The following STAU2 variants were observed in gnomAD, a reference collection of about 807,000 sequenced individuals.
STAU2 encodes staufen double-stranded RNA binding protein 2.
Under a neutral mutation model 65.9 loss-of-function variants are expected in STAU2, and 20 were observed. That is an observed-to-expected ratio of 0.30 (90% CI 0.21 to 0.44). The LOEUF is 0.44. Among genes scored for constraint, STAU2 ranks in the 20% least tolerant of loss-of-function variants. The pLI, the probability that STAU2 is intolerant of heterozygous loss-of-function variation, is 1.00. For missense variants in STAU2, 558 were observed against 683.9 expected (o/e 0.82, Z 2.05); for synonymous variants, 232 against 233.9 (o/e 0.99, Z 0.07).
At chr8:73,746,857 C>T (rs983088818), upstream of STAU2, 3 of 1,213,126 alleles carry the variant, frequency 2.5e-6, no homozygotes, top group African/African-American at 3.1e-5. Flanking sequence ...GCTCGGCCGC[C>T]GCCGGCTTCC....
At position 73,467,457 on chromosome 8, in the gene STAU2, G is replaced by A. The variant is rs186552208; in HGVS notation, c.1531-44755C>T. Among the ~76,000 whole-genome samples, 941 of 152,236 alleles carry A rather than the reference G, an allele frequency of 6.2e-3. 12 individuals are homozygous for A. The highest frequency in any genetic ancestry group is 0.03 in the East Asian group (156 of 5,170). On this transcript the variant is annotated intron_variant, in intron 13 of 14. Coordinates refer to ENST00000524300, the MANE Select transcript of STAU2 (RefSeq NM_001164380.2). The stretch of plus-strand genomic sequence containing the variant: ...TGAGGCAGGAGAATGGCGTGAACCC[G>A]GGAGGAGGAGCTTGCAGTGAGCCGA...
intron 9 of STAU2, among the ~76,000 whole-genome samples, chr8:73,607,985 C>T (rs1425494369): frequency 1.3e-5 from 2 of 152,228 alleles, no homozygotes; most frequent in South Asian, 2.1e-4. Flanking sequence ...TTAGCTCTTC[C>T]GGATGATTGC....
intron 3 of STAU2, among the ~76,000 whole-genome samples, chr8:73,725,526 G>A (rs1300547453): frequency 6.6e-6 from 1 of 152,198 alleles, no homozygotes; most frequent in Non-Finnish European, 1.5e-5. Flanking sequence ...GCCAGGCATG[G>A]TGGCTCACAC....
chr8:73,629,830 G>A (rs906696147), intron 6 of STAU2, among the ~76,000 whole-genome samples: 2 of 152,200 alleles, frequency 1.3e-5, no homozygotes, highest in Non-Finnish European at 2.9e-5. Context: ...GTAGTCGTGC[G>A]ATTATGCCTC....
At chr8:73,534,461 T>C (rs1174690784) in intron 13 of STAU2, among the ~76,000 whole-genome samples, 1 of 152,218 alleles carries the variant, frequency 6.6e-6, no homozygotes. Flanking sequence ...ATGTAAATTA[T>C]TGTATTTATT....
At chr8:73,557,820 A>C (rs1253371555) in intron 12 of STAU2, among the ~76,000 whole-genome samples, 2 of 152,160 alleles carry the variant, frequency 1.3e-5, no homozygotes, top group South Asian at 4.1e-4. Flanking sequence ...TCCTGAACCC[A>C]TTCTGCCATC....
At chr8:73,601,234 A>G (rs1204419867) in intron 10 of STAU2, among the ~76,000 whole-genome samples, 7 of 152,206 alleles carry the variant, frequency 4.6e-5, no homozygotes, top group Non-Finnish European at 7.3e-5. Context: ...CCAAAAACTT[A>G]ATTTTTATTT....
chr8:73,453,082 T>C (rs1383295684), intron 13 of STAU2, among the ~76,000 whole-genome samples: 1 of 152,190 alleles, frequency 6.6e-6, no homozygotes, highest in Non-Finnish European at 1.5e-5. Flanking sequence ...CTCGGTGTCT[T>C]CAAGGAGACA....
intron 12 of STAU2, among the ~76,000 whole-genome samples, chr8:73,568,615 A>C (rs1307589122): frequency 6.6e-6 from 1 of 152,222 alleles, no homozygotes; most frequent in African/African-American, 2.4e-5. Flanking sequence ...TCTCAAAAAA[A>C]AAAAGACAAC....
intron 12 of STAU2, among the ~76,000 whole-genome samples, chr8:73,567,325 T>TG (rs1307894311): frequency 6.6e-6 from 1 of 151,974 alleles, no homozygotes. Context: ...CTGACCAACA[T>TG]GGAGAAACTC....
chr8:73,713,254 AAATGTCCTGGACTCTGG>A (rs1022784002), intron 3 of STAU2, among the ~76,000 whole-genome samples: 2 of 152,186 alleles, frequency 1.3e-5, no homozygotes, highest in Admixed American at 6.5e-5. Flanking sequence ...TGTCTTCACA[AAATGTCCTGGACTCTGG>A]AATTTGAATC....
chr8:73,589,963 G>A (rs971165274), intron 11 of STAU2, among the ~76,000 whole-genome samples: 2 of 148,922 alleles, frequency 1.3e-5, no homozygotes, highest in African/African-American at 2.5e-5. Context: ...ACAAGGAAAA[G>A]GAGAAGGGAA....
chr8:73,627,350 G>C (rs1227557784), intron 6 of STAU2, among the ~76,000 whole-genome samples: 1 of 151,804 alleles, frequency 6.6e-6, no homozygotes, highest in Non-Finnish European at 1.5e-5. Context: ...GCTGACCAAA[G>C]GGATTCAGGA....
intron 13 of STAU2, among the ~76,000 whole-genome samples, chr8:73,472,439 T>C (rs1820086948): frequency 2.0e-5 from 3 of 152,200 alleles, no homozygotes; most frequent in African/African-American, 7.2e-5. Context: ...TTGCTTATTC[T>C]TCAGTAAAAT....
intron 3 of STAU2, among the ~76,000 whole-genome samples, chr8:73,735,630 C>T (rs1442290455): frequency 1.3e-5 from 2 of 152,198 alleles, no homozygotes; most frequent in Non-Finnish European, 2.9e-5. Flanking sequence ...ATCCAAAACA[C>T]TTCCAGTGCC....
At position 73,715,520 on chromosome 8, in the gene STAU2, GACTGAT is replaced by G. The variant is rs571238591; in HGVS notation, c.-17-6364_-17-6359del. 3.0e-4 allele frequency among the ~76,000 whole-genome samples: 46 copies of G among 151,106 alleles called. No individual in the cohort carries two copies. In the South Asian group the frequency reaches 9.2e-3, roughly 30 times the overall value. ...AGTGATATATAATTTTCCCCTATTAGACTGATAAAGATTTTTTTTAATAATCATTTA... is the reference window on the plus strand; with the variant it reads ...AGTGATATATAATTTTCCCCTATTAGAAAGATTTTTTTTAATAATCATTTA... On this transcript the variant is annotated intron_variant, in intron 3 of 14. Coordinates refer to ENST00000524300, the MANE Select transcript of STAU2 (RefSeq NM_001164380.2).
At chr8:73,487,900 T>C (rs1308320917) in intron 13 of STAU2, among the ~76,000 whole-genome samples, 1 of 152,126 alleles carries the variant, frequency 6.6e-6, no homozygotes, top group Non-Finnish European at 1.5e-5. Context: ...GTTAGCTGAT[T>C]GAGATAAAAT....
chr8:73,426,403 C>T (rs992528849), intron 13 of STAU2, among the ~76,000 whole-genome samples: 22 of 152,118 alleles, frequency 1.4e-4, no homozygotes, highest in African/African-American at 4.8e-4. Flanking sequence ...AGCAATAGAA[C>T]TTATTCCTCA....
chr8:73,509,112 A>G (rs1264229809), intron 13 of STAU2, among the ~76,000 whole-genome samples: 1 of 152,236 alleles, frequency 6.6e-6, no homozygotes, highest in Non-Finnish European at 1.5e-5. Context: ...CCTACCAGCA[A>G]TCTACAAGCT....
Sources: gnomAD v4.1 joint callset for allele counts (sites outside exome capture counted in the v4.1 genomes callset) on GRCh38, gnomAD v4.1.1 for gene constraint, MANE v1.5 for transcripts, NCBI Gene and HGNC (gene_info 2026-07-23, HGNC 2026-07-21) for gene names.